Variants in LTBP1 observed in about 807,000 individuals in gnomAD.
LTBP1 encodes the protein latent-transforming growth factor beta-binding protein 1.
In LTBP1, 129 loss-of-function variants were observed where a neutral mutation model predicts 207.6. That is an observed-to-expected ratio of 0.62 (90% CI 0.54 to 0.72). The LOEUF (loss-of-function observed/expected upper bound fraction) is 0.72. Ranked by LOEUF, LTBP1 falls within the 30% of genes least tolerant of loss-of-function variation. The probability of loss-of-function intolerance (pLI) is 0.00; values close to 1 mark genes in which losing one functional copy is unlikely to be tolerated. For missense variants in LTBP1, 2,281 were observed against 2,217.2 expected, an observed-to-expected ratio of 1.03 and a Z score of -0.58; for synonymous variants, 963 against 833.7, an observed-to-expected ratio of 1.16 and a Z score of -2.67.
chr2:32,969,819 C>A lies in LTBP1; in HGVS notation c.565+20874C>A, dbSNP rs145596869. Among the ~76,000 whole-genome samples, 88 of 152,274 alleles carry A rather than the reference C, an allele frequency of 5.8e-4. 2 individuals carry two copies. The East Asian group carries it at 0.017, about 29-fold the overall frequency. On this transcript the variant is annotated intron_variant, in intron 2 of 33. Coordinates refer to ENST00000404816, the MANE Select transcript of LTBP1 (RefSeq NM_206943.4). ...GGGATTGCTGGGTGAAAAGGTAGCT[C>A]TGTTTTAAGTTCTTTGAGAGATCGC...
chr2:32,968,509 C>G (rs1379254006), intron 2 of LTBP1, among the ~76,000 whole-genome samples: 2 of 152,046 alleles, frequency 1.3e-5, no homozygotes, highest in East Asian at 3.8e-4. Flanking sequence ...TTATATCAAT[C>G]TTTATATTGA....
chr2:33,313,433 A>T (rs549276256), intron 23 of LTBP1, among the ~76,000 whole-genome samples: 2 of 152,058 alleles, frequency 1.3e-5, no homozygotes, highest in Non-Finnish European at 2.9e-5. Flanking sequence ...AGGGAAAGGG[A>T]TGACTTTATT....
chr2:33,356,094 G>A (rs1261451520), intron 26 of LTBP1, among the ~76,000 whole-genome samples: 1 of 151,894 alleles, frequency 6.6e-6, no homozygotes, highest in Non-Finnish European at 1.5e-5. Flanking sequence ...AAGGAAGAAG[G>A]CTTTAATTGG....
chr2:32,952,571 T>C (rs1677319300), intron 2 of LTBP1, among the ~76,000 whole-genome samples: 1 of 152,220 alleles, frequency 6.6e-6, no homozygotes, highest in South Asian at 2.1e-4. Context: ...TTTTGTGGGT[T>C]AGGGACTTTG....
chr2:32,962,801 G>T (rs1441574368), intron 2 of LTBP1, among the ~76,000 whole-genome samples: 1 of 152,236 alleles, frequency 6.6e-6, no homozygotes. Context: ...CTGGAATGGG[G>T]CGTCAGCTCC....
At chr2:33,273,841 T>A in intron 16 of LTBP1, 60 bp downstream of exon 16, 2 of 1,443,902 alleles carry the variant, frequency 1.4e-6, no homozygotes, top group Admixed American at 2.4e-5. Flanking sequence ...ATTAAGAACA[T>A]TTTTTTCTTA....
chr2:33,079,834 C>G (rs2078296830), intron 3 of LTBP1, among the ~76,000 whole-genome samples: 1 of 152,202 alleles, frequency 6.6e-6, no homozygotes. Flanking sequence ...AAGTTTCCAA[C>G]AGATTGCCTT....
chr2:33,078,825 TTCTTC>T (rs1196868796), intron 3 of LTBP1, among the ~76,000 whole-genome samples: 3 of 150,580 alleles, frequency 2.0e-5, no homozygotes, highest in South Asian at 2.1e-4. Flanking sequence ...AATTTTTCTT[TTCTTC>T]TCTTCTCTTC....
chr2:33,182,142 A>G (rs771308553), intron 5 of LTBP1, among the ~76,000 whole-genome samples: 1 of 152,156 alleles, frequency 6.6e-6, no homozygotes, highest in Non-Finnish European at 1.5e-5. Flanking sequence ...TAAGTCAAGC[A>G]GAAACCATTT....
intron 24 of LTBP1, among the ~76,000 whole-genome samples, chr2:33,323,172 C>T (rs138473884): frequency 3.9e-5 from 6 of 152,132 alleles, no homozygotes; most frequent in Non-Finnish European, 5.9e-5. Flanking sequence ...GCTCAGAACA[C>T]TTACACTAGC....
In LTBP1 at chr2:33,300,550, C is replaced by T. The variant is rs1440930682; in HGVS notation, c.3335C>T (p.Ser1112Leu). The T allele has an allele frequency of 1.2e-5, 19 of 1,613,218 alleles. No homozygotes were observed. Among genetic ancestry groups the T allele is most frequent in the African/African-American group, 2.7e-5 (2 of 74,884 alleles). The change falls in exon 21 of 34, where the codon TCG becomes TTG. Residue 1112 changes from serine (S) to leucine (L), a missense_variant. By Grantham distance (145) the Ser-to-Leu change is moderately radical. Coordinates refer to ENST00000404816, the MANE Select transcript of LTBP1 (RefSeq NM_206943.4). ...RCTCGQGYQL[S>L]AAKDQCEDID... ...ACCTGTGGACAGGGGTACCAGCTGT[C>T]GGCAGCTAAAGACCAGTGTGAAGGT...
At chr2:33,282,326 A>G (rs1234662631) in intron 19 of LTBP1, among the ~76,000 whole-genome samples, 2 of 152,164 alleles carry the variant, frequency 1.3e-5, no homozygotes, top group African/African-American at 2.4e-5. Flanking sequence ...TACATAATCT[A>G]CAAATGAAGC....
intron 31 of LTBP1, among the ~76,000 whole-genome samples, chr2:33,382,004 G>A (rs6742198): frequency 0.86 from 129,788 of 151,338 alleles, 56,129 homozygotes; most frequent in African/African-American, 0.96. Context: ...TTAATAGTGC[G>A]TGTTAGCTAA....
intron 5 of LTBP1, among the ~76,000 whole-genome samples, chr2:33,136,487 G>A (rs1461586052): frequency 6.6e-6 from 1 of 151,964 alleles, no homozygotes; most frequent in Non-Finnish European, 1.5e-5. Flanking sequence ...ACTATTTTCT[G>A]GCTTAAAAAA....
chr2:33,357,073 C>T lies in LTBP1; in HGVS notation c.4001-3524C>T, dbSNP rs180962248. ...GGAAAGGGAGAGCCCATTTAAAAAG[C>T]TCATGTCCACTTTGACCAACTACAT... On this transcript the variant is annotated intron_variant, in intron 26 of 33. Coordinates refer to ENST00000404816, the MANE Select transcript of LTBP1 (RefSeq NM_206943.4). Among the ~76,000 whole-genome samples the T allele has an allele frequency of 5.3e-5, 8 of 152,322 alleles. No homozygotes were observed. In the East Asian group the frequency reaches 1.5e-3, roughly 29 times the overall value.
chr2:32,982,837 T>C (rs111751835), intron 2 of LTBP1, among the ~76,000 whole-genome samples: 23,289 of 152,222 alleles, frequency 0.15, 2,129 homozygotes, highest in Non-Finnish European at 0.21. Context: ...TGTATGGAAA[T>C]GCCTGGATGT....
chr2:33,356,073 CAAGTATTTCCAAGGAAGAAGG>C (rs1379190787), intron 26 of LTBP1, among the ~76,000 whole-genome samples: 3 of 151,984 alleles, frequency 2.0e-5, no homozygotes, highest in East Asian at 3.9e-4. Flanking sequence ...ACCGAGACCA[CAAGTATTTCCAAGGAAGAAGG>C]CTTTAATTGG....
At chr2:33,076,687 C>T (rs2078099721) in intron 3 of LTBP1, among the ~76,000 whole-genome samples, 1 of 152,126 alleles carries the variant, frequency 6.6e-6, no homozygotes, top group African/African-American at 2.4e-5. Flanking sequence ...CAGGCCCGCA[C>T]CACCACGCCG....
chr2:33,393,964 AC>A (rs1169642971), intron 32 of LTBP1, among the ~76,000 whole-genome samples: 1 of 150,254 alleles, frequency 6.7e-6, no homozygotes, highest in Non-Finnish European at 1.5e-5. Flanking sequence ...TTGTTTCCTG[AC>A]TTTTTAATGA....
Sources: allele counts gnomAD v4.1 joint callset (sites outside exome capture counted in the v4.1 genomes callset), GRCh38; gene constraint gnomAD v4.1.1; transcripts MANE v1.5; gene names NCBI Gene and HGNC (gene_info 2026-07-23, HGNC 2026-07-21).